The following NCBP3 variants were observed in gnomAD, a reference collection of about 807,000 sequenced individuals.
NCBP3 encodes nuclear cap binding subunit 3.
NCBP3 carries 20 observed loss-of-function variants against 75.7 expected under a neutral mutation model. The ratio of observed to expected loss-of-function variants is 0.26; its 90% CI spans 0.19 to 0.38. The LOEUF is 0.38. Ranked by LOEUF, NCBP3 falls within the 10% of genes least tolerant of loss-of-function variation. NCBP3 has a pLI of 1.00. For missense variants in NCBP3, 678 were observed against 796.9 expected, an observed-to-expected ratio of 0.85 and a Z score of 1.80; for synonymous variants, 293 against 290.5, an observed-to-expected ratio of 1.01 and a Z score of -0.09.
chr17:3,818,709 G>T lies in NCBP3; in HGVS notation c.1001-137C>A. On this transcript the variant is annotated intron_variant, in intron 9 of 12. Coordinates refer to ENST00000389005, the MANE Select transcript of NCBP3 (RefSeq NM_001114118.3). This position sits in a 1 kb window ranked among gnomAD's most constrained non-coding sequence, Gnocchi z 4.7. ...TTATTGGAGCACTATCTATAATAGT[G>T]CCAAATGGACATTACTCTGATACTG... is the stretch of plus-strand genomic sequence containing the variant. 1 of 934,502 alleles carries T rather than the reference G, an allele frequency of 1.1e-6. No homozygotes were observed. The highest frequency in any genetic ancestry group is 1.6e-6 in the Non-Finnish European group (1 of 626,852). 57.9% of individuals were successfully genotyped at this position (934,502 alleles called of 1,614,324 possible).
intron 2 of NCBP3, among the ~76,000 whole-genome samples, chr17:3,842,747 G>A (rs915795563): frequency 2.6e-5 from 4 of 152,110 alleles, no homozygotes; most frequent in Non-Finnish European, 4.4e-5. Context: ...TCAGGCTCCA[G>A]CGATCCTCCC....
At chr17:3,828,130 G>A (rs2143679434) in intron 4 of NCBP3, among the ~76,000 whole-genome samples, 1 of 152,306 alleles carries the variant, frequency 6.6e-6, no homozygotes. Context: ...CGTTGGCCAG[G>A]CTGGTCTTGA....
At chr17:3,816,429 T>A (rs1403747239) in intron 10 of NCBP3, among the ~76,000 whole-genome samples, 159 bp from the exon 11 acceptor site, 1 of 152,264 alleles carries the variant, frequency 6.6e-6, no homozygotes, top group African/African-American at 2.4e-5. Context: ...TATTTGCTTA[T>A]GGAAACCATG....
At chr17:3,827,457 G>A (rs1472538854) in intron 4 of NCBP3, among the ~76,000 whole-genome samples, 1 of 152,214 alleles carries the variant, frequency 6.6e-6, no homozygotes, top group African/African-American at 2.4e-5. Flanking sequence ...TATGTAGAAT[G>A]GAGGCATGAC....
intron 2 of NCBP3, among the ~76,000 whole-genome samples, chr17:3,842,093 G>T (rs570264078): frequency 2.6e-5 from 4 of 152,044 alleles, no homozygotes; most frequent in Non-Finnish European, 4.4e-5. Context: ...GTGGTAATCT[G>T]GTAATAGCAA....
At chr17:3,837,501 G>C (rs574805860) in intron 3 of NCBP3, among the ~76,000 whole-genome samples, 12 of 142,128 alleles carry the variant, frequency 8.4e-5, no homozygotes, top group Non-Finnish European at 1.7e-4. Context: ...AAAAAAAAAT[G>C]CTGGGCAGTG....
In NCBP3 at chr17:3,811,623, C is replaced by A. The variant is rs1388932971; in HGVS notation, c.*1421G>T. 2 of 152,224 alleles carry A rather than the reference C, an allele frequency of 1.3e-5. No individual in the cohort carries two copies. The highest frequency in any genetic ancestry group is 4.8e-5 in the African/African-American group (2 of 41,446). 9.4% of individuals were successfully genotyped at this position (152,224 alleles called of 1,614,324 possible). On this transcript the variant is annotated 3_prime_UTR_variant, in exon 13 of 13. Coordinates refer to ENST00000389005, the MANE Select transcript of NCBP3 (RefSeq NM_001114118.3). The stretch of plus-strand genomic sequence containing the variant: ...ACAGTGTAATCAACTATCAATGTGA[C>A]CATTAGCTCCGCCACAAGTAAAGAT...
At chr17:3,831,546 C>T (rs184297) in intron 3 of NCBP3, among the ~76,000 whole-genome samples, 1,947 of 121,878 alleles carry the variant, frequency 0.016, 159 homozygotes, top group African/African-American at 0.046. Flanking sequence ...GCACTCCAGC[C>T]TAGCGACGGA....
intron 1 of NCBP3, 71 bp from the exon 2 acceptor site, chr17:3,843,222 A>C: frequency 8.2e-7 from 1 of 1,218,470 alleles, no homozygotes; most frequent in Non-Finnish European, 1.2e-6. Context: ...AGTCGGCCTG[A>C]CATCTGCAGG....
rs1204975182 is a variant in NCBP3 at position 3,821,238 on chromosome 17, C to G, written c.1000+11G>C. ...AACATGTGTCTACCCAAGAGCTGAG[C>G]AGGCAACTACCAGAATGTCGATGTT... On this transcript the variant is annotated intron_variant, in intron 9 of 12. Coordinates refer to ENST00000389005, the MANE Select transcript of NCBP3 (RefSeq NM_001114118.3). The G allele has an allele frequency of 1.3e-6, 2 of 1,591,710 alleles. No individual in the cohort carries two copies. Among genetic ancestry groups the G allele is most frequent in the Admixed American group, 1.7e-5 (1 of 59,938 alleles).
At chr17:3,845,783 G>A (rs1181454223) in intron 1 of NCBP3, among the ~76,000 whole-genome samples, 2 of 152,074 alleles carry the variant, frequency 1.3e-5, no homozygotes, top group South Asian at 2.1e-4. Context: ...GCAGCGGAGG[G>A]GGGTCCTCAA....
Position 3,829,982 on chromosome 17 carries a change from A to G in NCBP3, c.356-614T>C, listed in dbSNP as rs955802933. 3.9e-5 allele frequency among the ~76,000 whole-genome samples: 6 copies of G among 152,312 alleles called. No individual in the cohort carries two copies. In the South Asian group the frequency reaches 1.2e-3, roughly 32 times the overall value. On this transcript the variant is annotated intron_variant, in intron 3 of 12. Coordinates refer to ENST00000389005, the MANE Select transcript of NCBP3 (RefSeq NM_001114118.3). The stretch of plus-strand genomic sequence containing the variant: ...ATGCACATGAAAACAAGAAGACACC[A>G]GTTTTCACGGACCAGATTTTACACC...
chr17:3,842,953 A>AT (rs2054092156), intron 2 of NCBP3, 133 bp downstream of exon 2: 41 of 837,462 alleles, frequency 4.9e-5, no homozygotes, highest in Non-Finnish European at 6.5e-5. Flanking sequence ...CAATAACACA[A>AT]TTTTTTTTAG....
intron 7 of NCBP3, chr17:3,824,579 G>A (rs1003687159): frequency 1.2e-5 from 2 of 166,180 alleles, no homozygotes; most frequent in South Asian, 3.1e-4. Context: ...CTTATGAGAA[G>A]GGAATTAGAA....
At chr17:3,816,343 A>G in intron 10 of NCBP3, 73 bp from the exon 11 acceptor site, 2 of 1,343,512 alleles carry the variant, frequency 1.5e-6, no homozygotes, top group Non-Finnish European at 2.1e-6. Context: ...CAACAATCTC[A>G]TACTTTGGAG....
chr17:3,825,849 A>G lies in NCBP3; in HGVS notation c.611-6T>C. 6.5e-7 allele frequency: 1 copy of G among 1,549,454 alleles called. No homozygotes were observed. The highest frequency in any genetic ancestry group is 8.7e-7 in the Non-Finnish European group (1 of 1,145,376). ...TGAACTGTCTTCCTGCTTGTCTAAA[A>G]TGGAATGTGAAGGACAAGATGAAAC... On this transcript the variant is annotated splice_polypyrimidine_tract_variant and splice_region_variant and intron_variant, in intron 5 of 12. Transcript: ENST00000389005.
chr17:3,807,365 T>C lies in NCBP3; in HGVS notation c.*5679A>G, dbSNP rs1346861260. On this transcript the variant is annotated 3_prime_UTR_variant, in exon 13 of 13. Coordinates refer to ENST00000389005, the MANE Select transcript of NCBP3 (RefSeq NM_001114118.3). ...AAGCTTCAGCTCCGACATGGCCAGA[T>C]CATCAAAATTTGAAGTTTACTCAGG... The C allele has an allele frequency of 3.9e-5, 6 of 152,218 alleles. No individual in the cohort carries two copies. The highest frequency in any genetic ancestry group is 8.8e-5 in the Non-Finnish European group (6 of 68,052). The allele number at this position is 152,218 out of a possible 1,614,324, so 9.4% of individuals were successfully genotyped here.
At chr17:3,829,811 A>G (rs1374509174) in intron 3 of NCBP3, among the ~76,000 whole-genome samples, 4 of 152,228 alleles carry the variant, frequency 2.6e-5, no homozygotes, top group Non-Finnish European at 5.9e-5. Context: ...ATGAAACTAA[A>G]GAGATGCTAC....
chr17:3,803,011 G>C lies in NCBP3; in HGVS notation c.*10033C>G, dbSNP rs1223644333. ...CTAGTCATGAGACACACAGGGGTCC[G>C]TAAAGCCCACCTGGCGGTAGCTGCT... On this transcript the variant is annotated 3_prime_UTR_variant, in exon 13 of 13. Coordinates refer to ENST00000389005, the MANE Select transcript of NCBP3 (RefSeq NM_001114118.3). The C allele has an allele frequency of 1.3e-5, 2 of 152,214 alleles. No individual in the cohort carries two copies. The highest frequency in any genetic ancestry group is 4.1e-4 in the South Asian group (2 of 4,832). 9.4% of individuals were successfully genotyped at this position (152,214 alleles called of 1,614,324 possible).
Sources: allele counts gnomAD v4.1 joint callset (sites outside exome capture counted in the v4.1 genomes callset), GRCh38; gene constraint gnomAD v4.1.1; non-coding constraint Gnocchi (gnomAD v3.1); transcripts MANE v1.5; gene names NCBI Gene and HGNC (gene_info 2026-07-23, HGNC 2026-07-21).